The following CDH18 variants were observed in gnomAD, a reference collection of about 807,000 sequenced individuals.
CDH18 encodes cadherin 18, also known as cadherin-18.
Under a neutral mutation model 67.9 loss-of-function variants are expected in CDH18, and 31 were observed. The observed-to-expected ratio is 0.46, with a 90% confidence interval of 0.34 to 0.62. The LOEUF (loss-of-function observed/expected upper bound fraction) is 0.62. Among genes scored for constraint, CDH18 ranks in the 20% least tolerant of loss-of-function variants. CDH18 has a pLI of 0.01. For synonymous variants in CDH18, 362 were observed against 347.2 expected, an observed-to-expected ratio of 1.04 and a Z score of -0.48; for missense variants, 890 against 975.5, an observed-to-expected ratio of 0.91 and a Z score of 1.17.
intron 2 of CDH18, among the ~76,000 whole-genome samples, chr5:20,125,907 C>A (rs1425138434): frequency 6.6e-6 from 1 of 152,032 alleles, no homozygotes; most frequent in Non-Finnish European, 1.5e-5. Flanking sequence ...TCTACCAATT[C>A]AATGCAAACC....
chr5:20,212,666 C>T (rs1412541654), intron 2 of CDH18, among the ~76,000 whole-genome samples: 3 of 151,358 alleles, frequency 2.0e-5, no homozygotes, highest in South Asian at 2.1e-4. Flanking sequence ...AATTCATATC[C>T]GGCCGAACTA....
At chr5:19,495,976 A>G (rs1014247758) in intron 11 of CDH18, among the ~76,000 whole-genome samples, 2 of 152,154 alleles carry the variant, frequency 1.3e-5, no homozygotes, top group Non-Finnish European at 2.9e-5. Context: ...TAAATTGGAA[A>G]TTGAGGGACA....
chr5:20,412,638 AC>A (rs1746887443), intron 1 of CDH18, among the ~76,000 whole-genome samples: 1 of 152,204 alleles, frequency 6.6e-6, no homozygotes, highest in African/African-American at 2.4e-5. Flanking sequence ...AGGAACTAAA[AC>A]AAAACAACAA....
At chr5:19,824,931 AGGCAGATAATCACACCCATCCCT>A (rs1780253039) in intron 3 of CDH18, among the ~76,000 whole-genome samples, 1 of 152,176 alleles carries the variant, frequency 6.6e-6, no homozygotes, top group Non-Finnish European at 1.5e-5. Flanking sequence ...CTGGACAGCA[AGGCAGATAATCACACCCATCCCT>A]GGCACTGGTA....
At chr5:19,605,985 C>T (rs1747967114) in intron 6 of CDH18, among the ~76,000 whole-genome samples, 1 of 152,070 alleles carries the variant, frequency 6.6e-6, no homozygotes, top group Non-Finnish European at 1.5e-5. Flanking sequence ...GAGAAACCAA[C>T]AGAAAGTGCA....
At chr5:20,116,732 C>A (rs1383773654) in intron 2 of CDH18, among the ~76,000 whole-genome samples, 1 of 151,828 alleles carries the variant, frequency 6.6e-6, no homozygotes, top group East Asian at 1.9e-4. Context: ...ACAACATGAC[C>A]AACAAAAGAG....
intron 1 of CDH18, among the ~76,000 whole-genome samples, chr5:20,560,468 T>TACACACACAC (rs547246325): frequency 0.028 from 3,582 of 127,616 alleles, 78 homozygotes; most frequent in Non-Finnish European, 0.037. Flanking sequence ...CCAACACTCA[T>TACACACACAC]ACACACACAC....
chr5:19,912,595 GTTTA>G (rs1183622863), intron 2 of CDH18, among the ~76,000 whole-genome samples: 1 of 152,130 alleles, frequency 6.6e-6, no homozygotes, highest in South Asian at 2.1e-4. Flanking sequence ...AAGAAGAAGA[GTTTA>G]TTTATTTATT....
chr5:19,759,652 C>T (rs778845652), intron 3 of CDH18, among the ~76,000 whole-genome samples: 9 of 152,110 alleles, frequency 5.9e-5, no homozygotes, highest in Admixed American at 3.3e-4. Flanking sequence ...TTGGAATCAA[C>T]GTCAGCTCAG....
chr5:20,452,458 GA>G (rs1750523619), intron 1 of CDH18, among the ~76,000 whole-genome samples: 2 of 152,078 alleles, frequency 1.3e-5, no homozygotes, highest in South Asian at 4.1e-4. Context: ...TTCTTTTCAG[GA>G]ACATGATGGA....
In CDH18 at chr5:19,721,272, A is replaced by G. The variant is rs550077264; in HGVS notation, c.643+75T>C. Reference sequence around the variant, plus strand: ...CACATCATCTAATGGAAAAGAGCATATGGAAATAAAAACCATTGCTTTGCA... The same window carrying G: ...CACATCATCTAATGGAAAAGAGCATGTGGAAATAAAAACCATTGCTTTGCA... On this transcript the variant is annotated intron_variant, in intron 5 of 12. Coordinates refer to ENST00000382275, the MANE Select transcript of CDH18 (RefSeq NM_004934.5). 1.1e-4 allele frequency: 152 copies of G among 1,368,676 alleles called. 1 individual carries two copies. The East Asian group carries it at 1.9e-3, about 17-fold the overall frequency. The allele number at this position is 1,368,676 out of a possible 1,614,324, so 84.8% of individuals were successfully genotyped here.
intron 5 of CDH18, among the ~76,000 whole-genome samples, chr5:19,706,534 C>T (rs1223804254): frequency 1.3e-5 from 2 of 152,106 alleles, no homozygotes; most frequent in Non-Finnish European, 2.9e-5. Context: ...ACACATGTTC[C>T]CTGATTTGGG....
chr5:20,110,331 T>G (rs536841056), intron 2 of CDH18, among the ~76,000 whole-genome samples: 1 of 152,354 alleles, frequency 6.6e-6, no homozygotes, highest in South Asian at 2.1e-4. Flanking sequence ...CATATGTTTT[T>G]GGCCATCTGG....
intron 2 of CDH18, among the ~76,000 whole-genome samples, chr5:20,062,189 C>T (rs1425281971): frequency 2.6e-5 from 2 of 76,784 alleles, no homozygotes; most frequent in African/African-American, 7.9e-5. Context: ...GACAGTCTTG[C>T]TGTGTTACTC....
At position 20,259,317 on chromosome 5, in the gene CDH18, T is replaced by G. The variant is rs561886567; in HGVS notation, c.-579-3812A>C. Among the ~76,000 whole-genome samples the G allele has an allele frequency of 3.3e-5, 5 of 152,312 alleles. No individual in the cohort carries two copies. The South Asian group carries it at 1.0e-3, about 32-fold the overall frequency. On this transcript the variant is annotated intron_variant, in intron 1 of 14. Transcript: ENST00000507958. ...TTAGCAAAACCATGTACTGTCGTTA[T>G]GCACCAATCAGAGCTTTTAAATGAT...
At chr5:20,572,111 T>C (rs1758851318) in intron 1 of CDH18, among the ~76,000 whole-genome samples, 1 of 152,186 alleles carries the variant, frequency 6.6e-6, no homozygotes, top group South Asian at 2.1e-4. Context: ...ATGATAACTT[T>C]ATATAATGTC....
At chr5:20,127,944 C>T (rs1236640631) in intron 2 of CDH18, among the ~76,000 whole-genome samples, 1 of 152,004 alleles carries the variant, frequency 6.6e-6, no homozygotes, top group Non-Finnish European at 1.5e-5. Context: ...TCACTTGAAT[C>T]AAGGTTAATA....
intron 5 of CDH18, among the ~76,000 whole-genome samples, chr5:19,664,035 G>A (rs1200643552): frequency 1.3e-5 from 2 of 151,766 alleles, no homozygotes; most frequent in Non-Finnish European, 2.9e-5. Context: ...GTGCAAAAAT[G>A]TCTATAAACT....
intron 5 of CDH18, among the ~76,000 whole-genome samples, chr5:19,632,220 T>G (rs943851043): frequency 1.3e-5 from 2 of 152,238 alleles, no homozygotes; most frequent in African/African-American, 4.8e-5. Context: ...AGCAGACATA[T>G]AAGTCTGAAA....
Sources: gnomAD v4.1 joint callset for allele counts (sites outside exome capture counted in the v4.1 genomes callset) on GRCh38, gnomAD v4.1.1 for gene constraint, MANE v1.5 for transcripts, NCBI Gene and HGNC (gene_info 2026-07-23, HGNC 2026-07-21) for gene names.